The following FOXP2 variants were observed in gnomAD, a reference collection of about 807,000 sequenced individuals.
The protein encoded by FOXP2 is forkhead box P2, also known as forkhead box protein P2.
FOXP2 carries 12 observed loss-of-function variants against 115.8 expected under a neutral mutation model. The observed-to-expected ratio is 0.10, with a 90% CI of 0.07 to 0.17. FOXP2 has a LOEUF of 0.17. Ranked by LOEUF, FOXP2 falls within the 10% of genes least tolerant of loss-of-function variation. The probability of loss-of-function intolerance (pLI) is 1.00; values close to 1 mark genes in which losing one functional copy is unlikely to be tolerated. For synonymous variants in FOXP2, 328 were observed against 297.7 expected (o/e 1.10, Z -1.05); for missense variants, 629 against 843.5 (o/e 0.75, Z 3.15).
intron 1 of FOXP2, among the ~76,000 whole-genome samples, chr7:114,117,717 C>T (rs1584488659): frequency 6.6e-6 from 1 of 152,216 alleles, no homozygotes; most frequent in East Asian, 1.9e-4. Flanking sequence ...TCCCCAGTGT[C>T]TTAGCTTGGG....
rs901245591 is a variant in FOXP2, at chr7:114,650,429, A to G, written c.1095-1774A>G. On this transcript the variant is annotated intron_variant, in intron 8 of 16. Transcript: ENST00000350908. ...TTGTGTTCCCCAAGAGTTCATGGTG[A>G]AAAAAAAAAAAATCTTACGGAAACA... Among the ~76,000 whole-genome samples, 166 of 41,054 alleles carry G rather than the reference A, an allele frequency of 4.0e-3. 1 individual carries two copies. The highest frequency in any genetic ancestry group is 0.012 in the African/African-American group (158 of 13,294). The allele number at this position is 41,054 out of a possible 152,430, so 26.9% of individuals were successfully genotyped here.
At chr7:114,258,359 A>G (rs1205110211) in intron 1 of FOXP2, among the ~76,000 whole-genome samples, 1 of 152,286 alleles carries the variant, frequency 6.6e-6, no homozygotes, top group East Asian at 1.9e-4. Flanking sequence ...TATGCAAAGG[A>G]AGAGATGGTT....
In FOXP2 at chr7:114,599,726, G is replaced by A. The variant is rs541591235; in HGVS notation, c.259-28814G>A. Among the ~76,000 whole-genome samples the A allele has an allele frequency of 7.9e-5, 12 of 151,960 alleles. No individual in the cohort carries two copies. In the South Asian group the frequency reaches 2.3e-3, roughly 29 times the overall value. On this transcript the variant is annotated intron_variant, in intron 3 of 16. Coordinates refer to ENST00000350908, the MANE Select transcript of FOXP2 (RefSeq NM_014491.4). ...CAGTCCTTTTCTCAGTTCCAGTACT[G>A]GTTATTTCTGTCTTTTTTTAAAAAT...
At chr7:114,618,589 T>A (rs893205115) in intron 3 of FOXP2, among the ~76,000 whole-genome samples, 3 of 152,186 alleles carry the variant, frequency 2.0e-5, no homozygotes, top group African/African-American at 7.2e-5. Flanking sequence ...ATATTTAGCT[T>A]GACCTATATT....
intron 2 of FOXP2, among the ~76,000 whole-genome samples, chr7:114,506,889 T>A (rs1418817817): frequency 7.2e-5 from 11 of 151,794 alleles, no homozygotes; most frequent in Non-Finnish European, 1.6e-4. Flanking sequence ...AGCTATAAGC[T>A]ATATTTATTG....
chr7:114,449,387 C>T (rs907384689), intron 2 of FOXP2, among the ~76,000 whole-genome samples: 9 of 152,014 alleles, frequency 5.9e-5, no homozygotes, highest in Admixed American at 1.3e-4. Flanking sequence ...CCAACTTTTA[C>T]TTCACAATTA....
At chr7:114,523,239 G>A (rs531621271) in intron 2 of FOXP2, among the ~76,000 whole-genome samples, 5 of 152,208 alleles carry the variant, frequency 3.3e-5, no homozygotes, top group Non-Finnish European at 7.4e-5. Flanking sequence ...GAATGGTGCT[G>A]GGATTAGAAC....
chr7:114,291,135 T>A (rs1796578143), intron 2 of FOXP2, among the ~76,000 whole-genome samples: 1 of 152,168 alleles, frequency 6.6e-6, no homozygotes, highest in Non-Finnish European at 1.5e-5. Flanking sequence ...AGAAATTTAA[T>A]TTCTCACAGT....
chr7:114,368,244 A>G lies in FOXP2; in HGVS notation c.-10-58258A>G, dbSNP rs187669910. On this transcript the variant is annotated intron_variant, in intron 2 of 17. Transcript: ENST00000634411. ...AGTACTCCATGGTATATAGAATTTG[A>G]AAACAAAATTGGGTATTTCATACAG... is the stretch of plus-strand genomic sequence containing the variant. 1.1e-4 allele frequency among the ~76,000 whole-genome samples: 17 copies of G among 152,346 alleles called. No individual in the cohort carries two copies. The East Asian group carries it at 3.3e-3, about 29-fold the overall frequency.
chr7:114,379,938 G>C, intron 2 of FOXP2, among the ~76,000 whole-genome samples: 1 of 152,068 alleles, frequency 6.6e-6, no homozygotes. Context: ...CCATCTGAAG[G>C]GGAGGGAAGT....
chr7:114,470,373 C>A (rs895520475), intron 2 of FOXP2, among the ~76,000 whole-genome samples: 2 of 152,136 alleles, frequency 1.3e-5, no homozygotes, highest in Non-Finnish European at 2.9e-5. Flanking sequence ...CCCTTCTTTT[C>A]AGAGCTTTAT....
chr7:114,318,935 G>A (rs1226861992), intron 2 of FOXP2, among the ~76,000 whole-genome samples: 1 of 152,046 alleles, frequency 6.6e-6, no homozygotes, highest in African/African-American at 2.4e-5. Flanking sequence ...CTATATTCCA[G>A]TAATAGGAAA....
chr7:114,596,132 T>C (rs1802688827), intron 3 of FOXP2, among the ~76,000 whole-genome samples: 1 of 152,086 alleles, frequency 6.6e-6, no homozygotes, highest in African/African-American at 2.4e-5. Flanking sequence ...AGTTAGCAAT[T>C]CTTTTTCCTC....
chr7:114,139,779 A>G (rs1031077646), intron 1 of FOXP2, among the ~76,000 whole-genome samples: 1 of 152,162 alleles, frequency 6.6e-6, no homozygotes, highest in Admixed American at 6.5e-5. Flanking sequence ...TCCTCAAATA[A>G]CAGACACAGT....
rs1428878412 is a variant in FOXP2, at chr7:114,291,993, T to A, written c.-11+3884T>A. 8.5e-5 allele frequency among the ~76,000 whole-genome samples: 11 copies of A among 129,894 alleles called. 2 individuals carry two copies. The highest frequency in any genetic ancestry group is 4.1e-4 in the African/African-American group (11 of 26,698). The allele number at this position is 129,894 out of a possible 152,430, so 85.2% of individuals were successfully genotyped here. ...TTATAGATAATATATAGAATATATA[T>A]TATAGATAATATATAGATATAACAT... On this transcript the variant is annotated intron_variant, in intron 2 of 17. Coordinates refer to the FOXP2 transcript ENST00000634411.
intron 2 of FOXP2, among the ~76,000 whole-genome samples, chr7:114,293,356 G>A (rs768858203): frequency 6.6e-6 from 1 of 151,868 alleles, no homozygotes; most frequent in Non-Finnish European, 1.5e-5. Context: ...ACTTGCTCTG[G>A]GGGAGGCTGG....
chr7:114,236,713 A>T (rs2129166815), intron 1 of FOXP2, among the ~76,000 whole-genome samples: 1 of 152,334 alleles, frequency 6.6e-6, no homozygotes, highest in Non-Finnish European at 1.5e-5. Flanking sequence ...CACAGTGGTC[A>T]CTCCTGTGAT....
chr7:114,532,953 A>G (rs1412492944), intron 2 of FOXP2, among the ~76,000 whole-genome samples: 1 of 152,014 alleles, frequency 6.6e-6, no homozygotes, highest in Non-Finnish European at 1.5e-5. Flanking sequence ...AATATTGAAT[A>G]AAAAGTTTCA....
chr7:114,211,515 A>AGTCCC, intron 1 of FOXP2, among the ~76,000 whole-genome samples: 1 of 152,218 alleles, frequency 6.6e-6, no homozygotes, highest in African/African-American at 2.4e-5. Flanking sequence ...TTGCCTAGTC[A>AGTCCC]GTCCCAATGG....
Sources: allele counts gnomAD v4.1 joint callset (sites outside exome capture counted in the v4.1 genomes callset), GRCh38; gene constraint gnomAD v4.1.1; transcripts MANE v1.5; gene names NCBI Gene and HGNC (gene_info 2026-07-23, HGNC 2026-07-21).